JAK1: variants seen among roughly 807,000 people sequenced by gnomAD.
The protein encoded by JAK1 is Janus kinase 1.
JAK1 carries 16 observed loss-of-function variants against 136.6 expected under a neutral mutation model. That is an observed-to-expected ratio of 0.12 (90% CI 0.08 to 0.18). The LOEUF (loss-of-function observed/expected upper bound fraction) is 0.18, where lower values mean the gene tolerates loss of function less well. Among genes scored for constraint, JAK1 ranks in the 10% least tolerant of loss-of-function variants. The pLI, the probability that JAK1 is intolerant of heterozygous loss-of-function variation, is 1.00. For missense variants in JAK1, 859 were observed against 1,450.1 expected (o/e 0.59, Z 6.62); for synonymous variants, 492 against 519.5 (o/e 0.95, Z 0.72).
At chr1:65,030,283 C>A (rs1404185021) in intron 2 of JAK1, among the ~76,000 whole-genome samples, 1 of 152,134 alleles carries the variant, frequency 6.6e-6, no homozygotes, top group East Asian at 1.9e-4. Context: ...AAATAAATTT[C>A]TGTTGTTTAA....
intron 1 of JAK1, among the ~76,000 whole-genome samples, chr1:64,946,503 G>A (rs561286997): frequency 3.3e-5 from 5 of 152,146 alleles, no homozygotes; most frequent in East Asian, 1.9e-4. Flanking sequence ...AATCTTCTAC[G>A]TCAGCCAGCT....
At chr1:65,052,257 G>A (rs1426179652) in intron 1 of JAK1, among the ~76,000 whole-genome samples, 1 of 151,004 alleles carries the variant, frequency 6.6e-6, no homozygotes, top group Non-Finnish European at 1.5e-5. Flanking sequence ...TCTTGTACTT[G>A]GCAATCTCCT....
chr1:64,958,203 G>A (rs965850086), intron 1 of JAK1, among the ~76,000 whole-genome samples: 3 of 152,206 alleles, frequency 2.0e-5, no homozygotes, highest in African/African-American at 7.2e-5. Flanking sequence ...GTAGATGGTA[G>A]GTGGCCTGCT....
At chr1:64,922,692 A>C (rs1001400134) in intron 1 of JAK1, among the ~76,000 whole-genome samples, 1 of 152,214 alleles carries the variant, frequency 6.6e-6, no homozygotes, top group Non-Finnish European at 1.5e-5. Flanking sequence ...TAAATCTCCA[A>C]GTCTCGGCCA....
chr1:64,838,519 A>C lies in JAK1; in HGVS notation c.2913T>G (p.Asn971Lys). 6.2e-7 allele frequency: 1 copy of C among 1,613,874 alleles called. No homozygotes were observed. The highest frequency in any genetic ancestry group is 8.5e-7 in the Non-Finnish European group (1 of 1,179,798). ...SGSLKEYLPK[N>K]KNKINLKQQL... ...GCTGTTTGAGGTTTATTTTGTTCTT[A>C]TTCTTTGGAAGATATTCCTTAAGGC... Residue 971 changes from asparagine to lysine, a missense_variant, in exon 21 of 25, where the codon AAT (asparagine) becomes AAG (lysine). Asn to Lys is a moderately conservative substitution (Grantham distance 94). This residue lies in a region of JAK1 where 409 missense variants were observed against 753.8 expected (regional missense o/e 0.54). Coordinates refer to ENST00000342505, the MANE Select transcript of JAK1 (RefSeq NM_002227.4).
At chr1:64,983,959 C>G (rs1040018421) in intron 2 of JAK1, among the ~76,000 whole-genome samples, 1 of 151,486 alleles carries the variant, frequency 6.6e-6, no homozygotes, top group African/African-American at 2.4e-5. Flanking sequence ...ACATCATTTA[C>G]CCTCCAATAA....
intron 2 of JAK1, chr1:65,002,365 G>A (rs1301362977): frequency 1.3e-5 from 2 of 152,196 alleles, no homozygotes; most frequent in Non-Finnish European, 2.9e-5. Context: ...CCATTTAGTG[G>A]CTGATCCAAG....
intron 2 of JAK1, among the ~76,000 whole-genome samples, chr1:64,976,968 C>T (rs913554536): frequency 2.0e-5 from 3 of 152,144 alleles, no homozygotes; most frequent in Non-Finnish European, 4.4e-5. Context: ...CTATACTTCT[C>T]TTGGGCAATG....
chr1:64,961,172 A>G (rs1646277246), intron 1 of JAK1, among the ~76,000 whole-genome samples: 1 of 152,234 alleles, frequency 6.6e-6, no homozygotes, highest in South Asian at 2.1e-4. Context: ...CTGTCAAAAA[A>G]AAGTCTTTAT....
intron 1 of JAK1, among the ~76,000 whole-genome samples, chr1:65,052,744 GCAGAGCTTGCAGTGA>G (rs1647338289): frequency 6.6e-6 from 1 of 151,116 alleles, no homozygotes; most frequent in Non-Finnish European, 1.5e-5. Flanking sequence ...AACCCGGGAG[GCAGAGCTTGCAGTGA>G]GCTGAGATCG....
intron 8 of JAK1, among the ~76,000 whole-genome samples, chr1:64,860,936 G>A (rs1656286371): frequency 8.0e-6 from 1 of 125,186 alleles, no homozygotes; most frequent in Admixed American, 7.9e-5. Context: ...GTCCGTGTGT[G>A]TGTGTGTGTG....
intron 2 of JAK1, among the ~76,000 whole-genome samples, chr1:65,042,629 C>T (rs928138721): frequency 2.0e-5 from 3 of 152,144 alleles, no homozygotes; most frequent in Non-Finnish European, 4.4e-5. Flanking sequence ...GTCTTTGATG[C>T]GGGTCCAGTA....
rs1198653729 is a variant in JAK1, at chr1:65,056,780, T to C, written c.-181+10824A>G. 3.3e-5 allele frequency among the ~76,000 whole-genome samples: 5 copies of C among 151,804 alleles called. No homozygotes were observed. In the East Asian group the frequency reaches 7.7e-4, roughly 23 times the overall value. On this transcript the variant is annotated intron_variant, in intron 1 of 25. Coordinates refer to the JAK1 transcript ENST00000671954. Reference sequence around the variant, plus strand: ...TCTCTACCAAAAATACAAAATTACATGGGCATGGTGGTGCACACCTGTAAT... The same window carrying C: ...TCTCTACCAAAAATACAAAATTACACGGGCATGGTGGTGCACACCTGTAAT...
At chr1:64,862,271 G>A (rs1346800525) in intron 8 of JAK1, among the ~76,000 whole-genome samples, 1 of 152,132 alleles carries the variant, frequency 6.6e-6, no homozygotes, top group Non-Finnish European at 1.5e-5. Context: ...CATTTTTATA[G>A]GTCAAAATGG....
At chr1:64,927,228 C>T (rs942746125) in intron 1 of JAK1, among the ~76,000 whole-genome samples, 9 of 152,156 alleles carry the variant, frequency 5.9e-5, no homozygotes, top group African/African-American at 2.2e-4. Context: ...CCCCCACTCC[C>T]CAGGTCCTAT....
chr1:64,924,750 T>A (rs1017841630), intron 1 of JAK1, among the ~76,000 whole-genome samples: 4 of 152,216 alleles, frequency 2.6e-5, no homozygotes, highest in Non-Finnish European at 5.9e-5. Flanking sequence ...ACTGCTGACA[T>A]TCACTTAAAG....
At chr1:64,858,021 G>A (rs541052451) in intron 9 of JAK1, among the ~76,000 whole-genome samples, 1 of 152,316 alleles carries the variant, frequency 6.6e-6, no homozygotes, top group South Asian at 2.1e-4. Flanking sequence ...CCAAGGCAAT[G>A]AGCCCTGCTT....
intron 8 of JAK1, 103 bp from the exon 9 acceptor site, chr1:64,860,365 T>C (rs1431674739): frequency 1.2e-6 from 1 of 810,846 alleles, no homozygotes; most frequent in Non-Finnish European, 1.8e-6. Flanking sequence ...TATAACCCAA[T>C]GGGAACCCCA....
intron 1 of JAK1, among the ~76,000 whole-genome samples, chr1:64,942,784 A>G (rs2100527305): frequency 6.6e-6 from 1 of 152,314 alleles, no homozygotes; most frequent in Non-Finnish European, 1.5e-5. Flanking sequence ...TTATATTTTA[A>G]GGTGGGAAGT....
Sources: allele counts gnomAD v4.1 joint callset (sites outside exome capture counted in the v4.1 genomes callset), GRCh38; gene constraint gnomAD v4.1.1; regional missense constraint gnomAD v4.1.1; transcripts MANE v1.5; gene names NCBI Gene and HGNC (gene_info 2026-07-23, HGNC 2026-07-21).